RPS6KC1: variants seen among roughly 807,000 people sequenced by gnomAD.
RPS6KC1 encodes inactive ribosomal protein S6 kinase delta-1.
Under a neutral mutation model 103.8 loss-of-function variants are expected in RPS6KC1, and 54 were observed. That is an observed-to-expected ratio of 0.52 (90% confidence interval 0.42 to 0.65). The LOEUF is 0.65. Ranked by LOEUF, RPS6KC1 falls within the 30% of genes least tolerant of loss-of-function variation. RPS6KC1 has a pLI of 0.00. For synonymous variants in RPS6KC1, 439 were observed against 438.7 expected, an observed-to-expected ratio of 1.00 and a Z score of -0.01; for missense variants, 1,151 against 1,253.8, an observed-to-expected ratio of 0.92 and a Z score of 1.24.
At chr1:213,095,264 T>C (rs570240327) in intron 3 of RPS6KC1, among the ~76,000 whole-genome samples, 8 of 152,316 alleles carry the variant, frequency 5.3e-5, no homozygotes, top group African/African-American at 1.9e-4. Context: ...CTCTCTTTCT[T>C]TTTACTCTGT....
the RPS6KC1 span, among the ~76,000 whole-genome samples, chr1:213,304,481 A>G: frequency 1.3e-4 from 20 of 152,164 alleles, no homozygotes; most frequent in East Asian, 3.9e-3. Context: ...AGTCTTTTTT[A>G]TGCATATTAT....
At chr1:213,444,527 T>C in the RPS6KC1 span, among the ~76,000 whole-genome samples, 1 of 152,226 alleles carries the variant, frequency 6.6e-6, no homozygotes, top group Non-Finnish European at 1.5e-5. Flanking sequence ...TTTGTTTTCG[T>C]TATGAGTATC....
Position 213,128,301 on chromosome 1 carries a change from G to GA in RPS6KC1, c.473-1222dup, listed in dbSNP as rs570019646. Among the ~76,000 whole-genome samples, 363 of 152,122 alleles carry GA rather than the reference G, an allele frequency of 2.4e-3. 2 individuals carry two copies. The highest frequency in any genetic ancestry group is 8.0e-3 in the African/African-American group (333 of 41,522). Reference sequence around the variant, plus strand: ...TCTTTCACTAACTTTTTTTGTTTTGGAAAATATAGTTATTTTTCATAAAAA... The same window carrying GA: ...TCTTTCACTAACTTTTTTTGTTTTGGAAAAATATAGTTATTTTTCATAAAAA... On this transcript the variant is annotated intron_variant, in intron 5 of 14. Transcript: ENST00000366960.
At chr1:213,122,002 A>G (rs2084443491) in intron 5 of RPS6KC1, among the ~76,000 whole-genome samples, 1 of 152,168 alleles carries the variant, frequency 6.6e-6, no homozygotes, top group African/African-American at 2.4e-5. Context: ...GAAAGGATCT[A>G]TTAAACTGTC....
At chr1:213,406,340 C>T in the RPS6KC1 span, among the ~76,000 whole-genome samples, 1 of 152,186 alleles carries the variant, frequency 6.6e-6, no homozygotes, top group Non-Finnish European at 1.5e-5. Context: ...TTTTCAGTTG[C>T]ATTTTTTTCC....
the RPS6KC1 span, among the ~76,000 whole-genome samples, chr1:213,609,927 G>C: frequency 2.6e-5 from 4 of 151,700 alleles, no homozygotes; most frequent in Admixed American, 2.0e-4. Flanking sequence ...CCATGAGATT[G>C]CTCTGTATGT....
chr1:213,544,223 A>AG, the RPS6KC1 span, among the ~76,000 whole-genome samples: 3 of 152,186 alleles, frequency 2.0e-5, no homozygotes, highest in Admixed American at 2.0e-4. Context: ...CAGAAAGTGA[A>AG]GGCGAGAGAA....
the RPS6KC1 span, among the ~76,000 whole-genome samples, chr1:213,381,845 C>A: frequency 6.6e-6 from 1 of 152,210 alleles, no homozygotes; most frequent in Non-Finnish European, 1.5e-5. Context: ...CCGCCCCAGC[C>A]CCCTCGCGCC....
chr1:213,536,999 C>A, the RPS6KC1 span, among the ~76,000 whole-genome samples: 4 of 152,172 alleles, frequency 2.6e-5, no homozygotes, highest in African/African-American at 4.8e-5. Flanking sequence ...GTAGGCTGGA[C>A]AACATATCCA....
the RPS6KC1 span, among the ~76,000 whole-genome samples, chr1:213,623,184 A>G: frequency 1.3e-5 from 2 of 152,214 alleles, no homozygotes; most frequent in East Asian, 1.9e-4. Flanking sequence ...GCCAAAACAC[A>G]TGGAGTAAAT....
In RPS6KC1 at chr1:213,051,324, T is replaced by G; in HGVS notation, c.-81T>G. On this transcript the variant is annotated 5_prime_UTR_variant, in exon 1 of 15. Coordinates refer to ENST00000366960, the MANE Select transcript of RPS6KC1 (RefSeq NM_012424.6). ...GCCCCCTCGCCGCTTCGCCGCTGCG[T>G]TGGGGAACCTGGACCGCGGCGGCGC... 6.5e-6 allele frequency: 7 copies of G among 1,079,788 alleles called. No homozygotes were observed. Among genetic ancestry groups the G allele is most frequent in the East Asian group, 2.5e-5 (1 of 39,558 alleles). 66.9% of individuals were successfully genotyped at this position (1,079,788 alleles called of 1,614,324 possible). A position where few individuals can be genotyped will look rare whatever the true frequency, so the allele number is the denominator to read the frequency against.
chr1:213,333,735 T>G, the RPS6KC1 span, among the ~76,000 whole-genome samples: 5 of 152,180 alleles, frequency 3.3e-5, no homozygotes, highest in African/African-American at 9.7e-5. Flanking sequence ...CTCGGCTCAC[T>G]GCAACCTCTG....
intron 14 of RPS6KC1, among the ~76,000 whole-genome samples, chr1:213,270,042 G>GCAAA (rs2095008901): frequency 6.6e-6 from 1 of 151,988 alleles, no homozygotes; most frequent in Non-Finnish European, 1.5e-5. Flanking sequence ...AGCAAAATTG[G>GCAAA]GAAACCTTTA....
the RPS6KC1 span, among the ~76,000 whole-genome samples, chr1:213,770,948 C>T: frequency 6.6e-6 from 1 of 152,200 alleles, no homozygotes; most frequent in African/African-American, 2.4e-5. Context: ...TACATAGTAA[C>T]AATCCTAATG....
chr1:213,550,753 A>T, the RPS6KC1 span, among the ~76,000 whole-genome samples: 1 of 152,196 alleles, frequency 6.6e-6, no homozygotes, highest in Non-Finnish European at 1.5e-5. Flanking sequence ...GATGGTAACC[A>T]TCTCTGCTCT....
chr1:213,404,172 G>A, the RPS6KC1 span, among the ~76,000 whole-genome samples: 4 of 152,178 alleles, frequency 2.6e-5, no homozygotes, highest in African/African-American at 9.7e-5. Flanking sequence ...AGGCAAGGGG[G>A]CTGCCTTTCC....
the RPS6KC1 span, among the ~76,000 whole-genome samples, chr1:213,439,920 C>T: frequency 1.1e-4 from 17 of 151,734 alleles, no homozygotes; most frequent in Non-Finnish European, 2.5e-4. Flanking sequence ...CAATAATATG[C>T]CATTAAGCTA....
At chr1:213,694,548 C>T in the RPS6KC1 span, among the ~76,000 whole-genome samples, 1 of 152,166 alleles carries the variant, frequency 6.6e-6, no homozygotes, top group African/African-American at 2.4e-5. Flanking sequence ...ACAAGAGTCA[C>T]CAACTTTCCC....
At chr1:213,673,601 G>A in the RPS6KC1 span, among the ~76,000 whole-genome samples, 3 of 152,140 alleles carry the variant, frequency 2.0e-5, no homozygotes, top group Non-Finnish European at 4.4e-5. Flanking sequence ...AGGCCACAGT[G>A]CCTATCCCAA....
Sources: gnomAD v4.1 joint callset for allele counts (sites outside exome capture counted in the v4.1 genomes callset) on GRCh38, gnomAD v4.1.1 for gene constraint, MANE v1.5 for transcripts, NCBI Gene and HGNC (gene_info 2026-07-23, HGNC 2026-07-21) for gene names.